IFT80: variants seen among roughly 807,000 people sequenced by gnomAD.
The protein encoded by IFT80 is intraflagellar transport 80.
In IFT80, 79 loss-of-function variants were observed where a neutral mutation model predicts 107.9. The observed-to-expected ratio is 0.73, with a 90% confidence interval of 0.61 to 0.88. The LOEUF is 0.88. IFT80 is among the 40% of genes least tolerant of loss of function. The pLI, the probability that IFT80 is intolerant of heterozygous loss-of-function variation, is 0.00. For missense variants in IFT80, 797 were observed against 914.2 expected (o/e 0.87, Z 1.65); for synonymous variants, 299 against 300.9 (o/e 0.99, Z 0.07).
At chr3:160,349,384 G>A (rs1344485884) in intron 8 of IFT80, among the ~76,000 whole-genome samples, 6 of 151,964 alleles carry the variant, frequency 3.9e-5, no homozygotes. Context: ...AGGAGGCAGA[G>A]GTTGCAGTGA....
At chr3:160,324,985 AACAG>A (rs1465874005) in intron 8 of IFT80, among the ~76,000 whole-genome samples, 2 of 150,308 alleles carry the variant, frequency 1.3e-5, no homozygotes, top group African/African-American at 4.9e-5. Flanking sequence ...ATACACCAAT[AACAG>A]ACAAACAGAG....
chr3:160,392,554 A>G (rs899365700), intron 1 of IFT80, among the ~76,000 whole-genome samples: 3 of 152,280 alleles, frequency 2.0e-5, no homozygotes, highest in Middle Eastern at 3.4e-3. Context: ...AACACCAAAA[A>G]CTTAAGTCAT....
At chr3:160,283,512 A>T (rs1427780882) in intron 13 of IFT80, among the ~76,000 whole-genome samples, 1 of 152,244 alleles carries the variant, frequency 6.6e-6, no homozygotes, top group African/African-American at 2.4e-5. Context: ...AATACATTTT[A>T]AAAAGTTCAA....
At chr3:160,313,608 A>ATT (rs201247167) in intron 9 of IFT80, among the ~76,000 whole-genome samples, 2 of 139,746 alleles carry the variant, frequency 1.4e-5, no homozygotes, top group African/African-American at 5.2e-5. Flanking sequence ...TCTGTGCTGA[A>ATT]TTTTTTTTTT....
intron 12 of IFT80, among the ~76,000 whole-genome samples, chr3:160,289,441 C>T (rs1715359825): frequency 6.6e-6 from 1 of 152,108 alleles, no homozygotes; most frequent in Admixed American, 6.5e-5. Context: ...CACATGTACC[C>T]TGAACCTAAA....
intron 8 of IFT80, among the ~76,000 whole-genome samples, chr3:160,328,201 C>T (rs1162244128): frequency 6.6e-6 from 1 of 151,994 alleles, no homozygotes; most frequent in Non-Finnish European, 1.5e-5. Context: ...GTAGCTCACA[C>T]CTGTAATCCC....
intron 9 of IFT80, among the ~76,000 whole-genome samples, chr3:160,315,796 G>A (rs1448709807): frequency 3.3e-5 from 5 of 152,128 alleles, no homozygotes; most frequent in African/African-American, 4.8e-5. Context: ...CAGAGAGTTG[G>A]AGCTGGATGC....
In IFT80 at chr3:160,258,663, A is replaced by C. The variant is rs1281011080; in HGVS notation, c.2224-28T>G. ...GCAATAGAAAAAAAAAAGAAGAAATATGCTTAGATAGTGTAAGACATTTTT... is the reference window on the plus strand; with the variant it reads ...GCAATAGAAAAAAAAAAGAAGAAATCTGCTTAGATAGTGTAAGACATTTTT... On this transcript the variant is annotated intron_variant, in intron 19 of 19. Coordinates refer to ENST00000326448, the MANE Select transcript of IFT80 (RefSeq NM_020800.3). The C allele has an allele frequency of 6.2e-6, 10 of 1,606,272 alleles. 1 individual carries two copies. The South Asian group carries it at 1.1e-4, about 18-fold the overall frequency.
chr3:160,349,950 G>A (rs893231385), intron 8 of IFT80, among the ~76,000 whole-genome samples: 1 of 152,048 alleles, frequency 6.6e-6, no homozygotes, highest in Non-Finnish European at 1.5e-5. Context: ...ACACTAACCT[G>A]CTTTGACCCT....
chr3:160,281,116 C>A (rs762511409), intron 14 of IFT80, among the ~76,000 whole-genome samples: 1 of 152,156 alleles, frequency 6.6e-6, no homozygotes, highest in Non-Finnish European at 1.5e-5. Context: ...GGCCATCAAG[C>A]TCCAGATGAT....
At chr3:160,354,571 T>C (rs1479916319) in intron 8 of IFT80, among the ~76,000 whole-genome samples, 1 of 152,054 alleles carries the variant, frequency 6.6e-6, no homozygotes, top group East Asian at 1.9e-4. Flanking sequence ...GAGAATGGCG[T>C]GAACCTGGTA....
chr3:160,276,502 C>T (rs1298055119), intron 18 of IFT80, among the ~76,000 whole-genome samples: 4 of 152,072 alleles, frequency 2.6e-5, no homozygotes, highest in Admixed American at 2.0e-4. Flanking sequence ...ACACTTCAAA[C>T]CTGGAAAAAT....
At chr3:160,358,935 G>C (rs1025484310) in intron 6 of IFT80, among the ~76,000 whole-genome samples, 2 of 152,030 alleles carry the variant, frequency 1.3e-5, no homozygotes, top group African/African-American at 2.4e-5. Flanking sequence ...GTATATAACA[G>C]GTATGCATTA....
At chr3:160,332,584 T>A (rs1295428389) in intron 8 of IFT80, among the ~76,000 whole-genome samples, 1 of 152,166 alleles carries the variant, frequency 6.6e-6, no homozygotes, top group Non-Finnish European at 1.5e-5. Flanking sequence ...ATGGAGACTA[T>A]CTCAAAATAG....
intron 8 of IFT80, among the ~76,000 whole-genome samples, chr3:160,346,275 A>C (rs1035263383): frequency 6.6e-6 from 1 of 152,210 alleles, no homozygotes; most frequent in Non-Finnish European, 1.5e-5. Context: ...CACTACAAAA[A>C]ATGTTATGTA....
chr3:160,314,769 A>G (rs1464061247), intron 9 of IFT80, among the ~76,000 whole-genome samples: 1 of 152,190 alleles, frequency 6.6e-6, no homozygotes, highest in Non-Finnish European at 1.5e-5. Context: ...CCAAGTGTCC[A>G]GAGAGATCTT....
intron 5 of IFT80, among the ~76,000 whole-genome samples, chr3:160,367,496 A>T (rs1721945288): frequency 1.3e-5 from 2 of 152,204 alleles, no homozygotes; most frequent in Admixed American, 6.6e-5. Flanking sequence ...AAACAATCTA[A>T]TAACCTCCCA....
rs1187655302 is a variant in IFT80, at chr3:160,280,765, A to C, written c.1566T>G (p.Cys522Trp). 6.2e-7 allele frequency: 1 copy of C among 1,613,266 alleles called. No homozygotes were observed. Among genetic ancestry groups the C allele is most frequent in the South Asian group, 1.1e-5 (1 of 91,066 alleles). ...LAWNDTCNIL[C>W]GLQDTRFIVW... is the part of the protein sequence containing the mutation. ...CTATAAATCGAGTATCTTGAAGTCC[A>C]CAAAGGATATTGCATGTATCGTTCC... The change falls in exon 15 of 20, where the codon TGT becomes TGG. Residue 522 changes from cysteine to tryptophan, a missense_variant. Coordinates refer to ENST00000326448, the MANE Select transcript of IFT80 (RefSeq NM_020800.3).
Position 160,316,780 on chromosome 3 carries a change from C to T in IFT80, c.957+2980G>A, listed in dbSNP as rs535595456. Among the ~76,000 whole-genome samples the T allele has an allele frequency of 3.3e-5, 5 of 152,026 alleles. No homozygotes were observed. The South Asian group carries it at 8.3e-4, about 25-fold the overall frequency. On this transcript the variant is annotated intron_variant, in intron 9 of 19. Transcript: ENST00000326448. ...AAGGCTGAGATTTCTCCTGGAATTACTAGGGAAAAAAAAGCACTCTTTCCG... is the reference window on the plus strand; with the variant it reads ...AAGGCTGAGATTTCTCCTGGAATTATTAGGGAAAAAAAAGCACTCTTTCCG...
Sources: allele counts gnomAD v4.1 joint callset (sites outside exome capture counted in the v4.1 genomes callset), GRCh38; gene constraint gnomAD v4.1.1; transcripts MANE v1.5; gene names NCBI Gene and HGNC (gene_info 2026-07-23, HGNC 2026-07-21).